The following GRID2 variants were observed in gnomAD, a reference collection of about 807,000 sequenced individuals.
The protein encoded by GRID2 is glutamate receptor ionotropic, delta-2.
GRID2 carries 33 observed loss-of-function variants against 114.8 expected under a neutral mutation model. That is an observed-to-expected ratio of 0.29 (90% CI 0.22 to 0.38). GRID2 has a LOEUF of 0.38. Among genes scored for constraint, GRID2 ranks in the 10% least tolerant of loss-of-function variants. GRID2 has a pLI of 1.00. For synonymous variants in GRID2, 505 were observed against 449.9 expected (o/e 1.12, Z -1.55); for missense variants, 1,184 against 1,257.7 (o/e 0.94, Z 0.89).
intron 12 of GRID2, among the ~76,000 whole-genome samples, chr4:93,492,635 C>T (rs1213949026): frequency 6.6e-6 from 1 of 151,690 alleles, no homozygotes; most frequent in Non-Finnish European, 1.5e-5. Context: ...GGCATATATC[C>T]CAACATGAGT....
At chr4:92,834,511 C>T (rs953673076) in intron 2 of GRID2, among the ~76,000 whole-genome samples, 1 of 151,968 alleles carries the variant, frequency 6.6e-6, no homozygotes, top group African/African-American at 2.4e-5. Flanking sequence ...GAATTTTTGT[C>T]GTTTAATCAG....
At chr4:92,517,997 T>C (rs746025731) in intron 1 of GRID2, among the ~76,000 whole-genome samples, 23 of 151,814 alleles carry the variant, frequency 1.5e-4, no homozygotes, top group Non-Finnish European at 2.9e-4. Context: ...TGTTTTCTCA[T>C]CAAATGAAGA....
At chr4:92,544,163 G>A (rs1209662344) in intron 1 of GRID2, among the ~76,000 whole-genome samples, 3 of 152,060 alleles carry the variant, frequency 2.0e-5, no homozygotes, top group Admixed American at 1.3e-4. Flanking sequence ...ACAAAATGTT[G>A]CCCTGTAATT....
chr4:93,728,655 T>G (rs1730178938), intron 14 of GRID2, among the ~76,000 whole-genome samples: 1 of 152,212 alleles, frequency 6.6e-6, no homozygotes, highest in Admixed American at 6.5e-5. Context: ...ACTTGCTTTA[T>G]GAATCTGGGT....
chr4:93,383,415 G>GT (rs1357158018), intron 8 of GRID2, among the ~76,000 whole-genome samples: 20 of 152,246 alleles, frequency 1.3e-4, no homozygotes, highest in African/African-American at 4.6e-4. Context: ...AGCTGCTACT[G>GT]TTTTAAGAGC....
At chr4:92,769,229 A>G (rs576572520) in intron 2 of GRID2, among the ~76,000 whole-genome samples, 14 of 152,290 alleles carry the variant, frequency 9.2e-5, no homozygotes, top group African/African-American at 2.4e-4. Context: ...TAAAGTGCCA[A>G]AATTATCTCT....
intron 2 of GRID2, among the ~76,000 whole-genome samples, chr4:92,766,987 C>G (rs1248311155): frequency 1.3e-5 from 2 of 152,160 alleles, no homozygotes; most frequent in Non-Finnish European, 2.9e-5. Context: ...TATTCATTCC[C>G]TTTTACTCAC....
At chr4:93,604,952 C>G (rs1352819120) in intron 13 of GRID2, among the ~76,000 whole-genome samples, 2 of 152,156 alleles carry the variant, frequency 1.3e-5, no homozygotes, top group South Asian at 2.1e-4. Flanking sequence ...ATGTGATTCA[C>G]TTTATTGCAA....
At chr4:92,781,067 A>G (rs2149358558) in intron 2 of GRID2, among the ~76,000 whole-genome samples, 1 of 152,210 alleles carries the variant, frequency 6.6e-6, no homozygotes, top group African/African-American at 2.4e-5. Context: ...CAAAATGGTG[A>G]AACTCGGTCT....
chr4:93,435,698 G>A (rs910118670), intron 10 of GRID2, among the ~76,000 whole-genome samples: 2 of 152,170 alleles, frequency 1.3e-5, no homozygotes, highest in African/African-American at 4.8e-5. Flanking sequence ...TCAAGGCTTA[G>A]AGAATTTAAA....
At chr4:93,644,952 T>C (rs781200071) in intron 14 of GRID2, among the ~76,000 whole-genome samples, 1 of 152,118 alleles carries the variant, frequency 6.6e-6, no homozygotes, top group Non-Finnish European at 1.5e-5. Context: ...ATGCTGTATC[T>C]ATAATGTCTC....
At chr4:93,478,405 A>T (rs1725528113) in intron 11 of GRID2, among the ~76,000 whole-genome samples, 1 of 151,996 alleles carries the variant, frequency 6.6e-6, no homozygotes, top group Non-Finnish European at 1.5e-5. Flanking sequence ...GCTGGTATTA[A>T]GTCTGAAGTT....
chr4:92,332,164 T>C (rs1453936633), intron 1 of GRID2, among the ~76,000 whole-genome samples: 1 of 152,108 alleles, frequency 6.6e-6, no homozygotes, highest in Non-Finnish European at 1.5e-5. Context: ...CTGGGTAGTT[T>C]ATAAGGAAAA....
intron 2 of GRID2, among the ~76,000 whole-genome samples, chr4:92,859,159 C>G (rs977413391): frequency 2.6e-5 from 4 of 152,126 alleles, no homozygotes; most frequent in South Asian, 2.1e-4. Context: ...CCTCAGCCCC[C>G]CAACCTTCAG....
chr4:92,359,611 A>G (rs983428807), intron 1 of GRID2, among the ~76,000 whole-genome samples: 17 of 151,986 alleles, frequency 1.1e-4, no homozygotes, highest in Non-Finnish European at 2.9e-5. Flanking sequence ...GTGCATTTCA[A>G]TAGAGCATAG....
Position 93,204,262 on chromosome 4 carries a change from C to G in GRID2, c.736-3142C>G, listed in dbSNP as rs1579282372. The stretch of plus-strand genomic sequence containing the variant: ...TGGTCCAATAGAACTCGTAGGAGAC[C>G]TGTTAACTTGAGGACCCAAAAGAGA... On this transcript the variant is annotated intron_variant, in intron 4 of 15. Transcript: ENST00000282020. Among the ~76,000 whole-genome samples the G allele has an allele frequency of 2.0e-5, 3 of 152,098 alleles. No homozygotes were observed. The East Asian group carries it at 5.8e-4, about 30-fold the overall frequency.
At chr4:92,847,300 C>T (rs1205440477) in intron 2 of GRID2, among the ~76,000 whole-genome samples, 1 of 152,056 alleles carries the variant, frequency 6.6e-6, no homozygotes, top group Non-Finnish European at 1.5e-5. Flanking sequence ...ACCCCCAGCA[C>T]TTCTGCTCCT....
intron 1 of GRID2, among the ~76,000 whole-genome samples, chr4:92,552,344 A>G (rs1270833880): frequency 6.6e-6 from 1 of 152,170 alleles, no homozygotes; most frequent in East Asian, 1.9e-4. Flanking sequence ...TGAATACTGA[A>G]GAGAAACTAT....
rs552534200 is a variant in GRID2 at position 93,647,980 on chromosome 4, A to T, written c.2360+21545A>T. ...CTATTATCGTTTCATTTTATAGTCAAGGACACTGACACATAGAGTAGCTAC... is the reference window on the plus strand; with the variant it reads ...CTATTATCGTTTCATTTTATAGTCATGGACACTGACACATAGAGTAGCTAC... On this transcript the variant is annotated intron_variant, in intron 14 of 15. Transcript: ENST00000282020. 2.6e-5 allele frequency among the ~76,000 whole-genome samples: 4 copies of T among 152,308 alleles called. No individual in the cohort carries two copies. The East Asian group carries it at 7.7e-4, about 29-fold the overall frequency.
Sources: gnomAD v4.1 joint callset for allele counts (sites outside exome capture counted in the v4.1 genomes callset) on GRCh38, gnomAD v4.1.1 for gene constraint, MANE v1.5 for transcripts, NCBI Gene and HGNC (gene_info 2026-07-23, HGNC 2026-07-21) for gene names.